BCL11B: variants seen among roughly 807,000 people sequenced by gnomAD.
The protein encoded by BCL11B is B-cell lymphoma/leukemia 11B.
In BCL11B, 8 loss-of-function variants were observed where a neutral mutation model predicts 49.9. The ratio of observed to expected loss-of-function variants is 0.16; its 90% CI spans 0.09 to 0.29. BCL11B has a LOEUF of 0.29. Among genes scored for constraint, BCL11B ranks in the 10% least tolerant of loss-of-function variants. The probability of loss-of-function intolerance (pLI) is 1.00; values close to 1 mark genes in which losing one functional copy is unlikely to be tolerated. For missense variants in BCL11B, 1,006 were observed against 1,351.0 expected (o/e 0.74, Z 4.00); for synonymous variants, 739 against 637.4 (o/e 1.16, Z -2.40).
chr14:99,243,779 T>C (rs558037474), intron 2 of BCL11B, among the ~76,000 whole-genome samples: 1 of 152,120 alleles, frequency 6.6e-6, no homozygotes, highest in South Asian at 2.1e-4. Context: ...CTCAAAGCAA[T>C]AAAATTGAAG....
At chr14:99,224,855 C>T (rs909801647) in intron 3 of BCL11B, among the ~76,000 whole-genome samples, 3 of 152,232 alleles carry the variant, frequency 2.0e-5, no homozygotes, top group African/African-American at 7.2e-5. Context: ...GAGCTTCCCA[C>T]AATGCCTGCA....
chr14:99,175,597 G>A lies in BCL11B; in HGVS notation c.1239C>T (p.Pro413=), dbSNP rs931484413. Residue 413 remains proline, a synonymous_variant, in exon 4 of 4, where the codon CCC becomes CCT. Transcript: ENST00000357195. ...FLSTPPLPPM[P]PGGTPPPQPP... ...GCTGCGGGGGCGGCGTGCCGCCAGG[G>A]GGCATGGGCGGCAGCGGCGGCGTGC... The A allele has an allele frequency of 1.3e-6, 2 of 1,573,722 alleles. No individual in the cohort carries two copies. Among genetic ancestry groups the A allele is most frequent in the Admixed American group, 1.8e-5 (1 of 55,752 alleles).
chr14:99,223,645 A>G (rs1888076487), intron 3 of BCL11B, among the ~76,000 whole-genome samples: 1 of 152,266 alleles, frequency 6.6e-6, no homozygotes, highest in African/African-American at 2.4e-5. Context: ...CTTCTTCCAC[A>G]TAACATGCGG....
At chr14:99,217,393 C>CATACAG (rs1555380381) in intron 3 of BCL11B, among the ~76,000 whole-genome samples, 5 of 149,502 alleles carry the variant, frequency 3.3e-5, no homozygotes, top group African/African-American at 4.9e-5. Context: ...CAGACACACA[C>CATACAG]ACACACACAC....
At chr14:99,255,405 GAAAAAA>G (rs67440207) in intron 2 of BCL11B, among the ~76,000 whole-genome samples, 1,177 of 65,150 alleles carry the variant, frequency 0.018, 18 homozygotes, top group African/African-American at 0.069. Flanking sequence ...TCACAACCTG[GAAAAAA>G]AAAAAAAAAA....
chr14:99,263,068 T>G (rs1047783063), intron 1 of BCL11B: 10 of 152,098 alleles, frequency 6.6e-5, no homozygotes, highest in African/African-American at 2.4e-4. Flanking sequence ...GAAGGGTTAT[T>G]AGGACACAAG....
chr14:99,182,828 G>C (rs1241199846), intron 3 of BCL11B, among the ~76,000 whole-genome samples: 1 of 152,222 alleles, frequency 6.6e-6, no homozygotes, highest in Non-Finnish European at 1.5e-5. Context: ...GGCAGTCATT[G>C]CCAAATAAAG....
At chr14:99,183,503 C>T (rs929259615) in intron 3 of BCL11B, among the ~76,000 whole-genome samples, 4 of 151,998 alleles carry the variant, frequency 2.6e-5, no homozygotes, top group African/African-American at 4.8e-5. Flanking sequence ...CCTGCCAGCA[C>T]GAGCCATGTT....
intron 1 of BCL11B, among the ~76,000 whole-genome samples, chr14:99,268,046 C>G (rs1889537418): frequency 6.6e-6 from 1 of 152,098 alleles, no homozygotes; most frequent in Non-Finnish European, 1.5e-5. Context: ...CCCCTCGGCA[C>G]GATTGCCACT....
chr14:99,237,859 G>A (rs1888549728), intron 2 of BCL11B, among the ~76,000 whole-genome samples: 1 of 149,502 alleles, frequency 6.7e-6, no homozygotes, highest in African/African-American at 2.4e-5. Context: ...AGGTGAAAGA[G>A]CCTGTCCAGC....
At position 99,170,033 on chromosome 14, in the gene BCL11B, T is replaced by C. The variant is rs1388116415; in HGVS notation, c.*4118A>G. ...ACAAAACAGAAGCAAAATTCTCTCT[T>C]CTCTGCAGTCACAGAGACACACAAT... On this transcript the variant is annotated 3_prime_UTR_variant, in exon 4 of 4. Transcript: ENST00000357195. The C allele has an allele frequency of 4.4e-6, 1 of 227,668 alleles. No individual in the cohort carries two copies. The allele number at this position is 227,668 out of a possible 1,614,324, so 14.1% of individuals were successfully genotyped here.
intron 3 of BCL11B, among the ~76,000 whole-genome samples, chr14:99,188,813 C>T (rs1489204718): frequency 6.6e-6 from 1 of 152,248 alleles, no homozygotes; most frequent in African/African-American, 2.4e-5. Context: ...CGCTGCGGCT[C>T]CCGCGGCTGG....
chr14:99,237,789 G>C (rs1888547717), intron 2 of BCL11B, among the ~76,000 whole-genome samples: 1 of 152,116 alleles, frequency 6.6e-6, no homozygotes, highest in Admixed American at 6.5e-5. Flanking sequence ...CTCTATGTGG[G>C]CGGCTAGCTG....
At chr14:99,260,749 G>A (rs12888948) in intron 1 of BCL11B, among the ~76,000 whole-genome samples, 36,172 of 151,662 alleles carry the variant, frequency 0.24, 5,745 homozygotes, top group Non-Finnish European at 0.36. Context: ...GCGAGCCCCC[G>A]TAATTGAGTT....
Position 99,226,343 on chromosome 14 carries a change from A to G in BCL11B, c.640+5002T>C, listed in dbSNP as rs947880286. ...GGAGCTCTGCTGTCCACACACGCTCACTCACACGGTTCTTTTTTTGTCTTC... is the reference window on the plus strand; with the variant it reads ...GGAGCTCTGCTGTCCACACACGCTCGCTCACACGGTTCTTTTTTTGTCTTC... On this transcript the variant is annotated intron_variant, in intron 3 of 3. Coordinates refer to ENST00000357195, the MANE Select transcript of BCL11B (RefSeq NM_138576.4). 2.0e-5 allele frequency among the ~76,000 whole-genome samples: 3 copies of G among 151,906 alleles called. No homozygotes were observed. The South Asian group carries it at 6.2e-4, about 32-fold the overall frequency.
chr14:99,194,769 C>A lies in BCL11B; in HGVS notation c.641-18574G>T, dbSNP rs985496683. 3.9e-5 allele frequency among the ~76,000 whole-genome samples: 6 copies of A among 152,152 alleles called. No homozygotes were observed. The highest frequency in any genetic ancestry group is 5.9e-5 in the Non-Finnish European group (4 of 68,016). On this transcript the variant is annotated intron_variant, in intron 3 of 3. Transcript: ENST00000357195. This position sits in a 1 kb window ranked among gnomAD's most constrained non-coding sequence, Gnocchi z 4.6. ...TGACTTGGCTCAAAAGCAGTCTCAA[C>A]CGTGGAGCAGACGGCCTTCGATAAT...
At position 99,250,033 on chromosome 14, in the gene BCL11B, C is replaced by CTT. The variant is rs35826122; in HGVS notation, c.427+7436_427+7437dup. On this transcript the variant is annotated intron_variant, in intron 2 of 3. Transcript: ENST00000357195. ...ACTCAGGAGGCTGAGACAGGAGAAT[C>CTT]TTTTTTTTTTTTTTTTTTTTGAGAT... Among the ~76,000 whole-genome samples, 107 of 106,254 alleles carry CTT rather than the reference C, an allele frequency of 1.0e-3. 1 individual carries two copies. The highest frequency in any genetic ancestry group is 3.3e-3 in the African/African-American group (92 of 28,242). 69.7% of individuals were successfully genotyped at this position (106,254 alleles called of 152,430 possible). A position where few individuals can be genotyped will look rare whatever the true frequency, so the allele number is the denominator to read the frequency against.
At chr14:99,176,823 G>A (rs1011903534) in intron 3 of BCL11B, among the ~76,000 whole-genome samples, 6 of 152,156 alleles carry the variant, frequency 3.9e-5, no homozygotes, top group Non-Finnish European at 5.9e-5. Flanking sequence ...AGGGAGGGGG[G>A]CAAGATCACC....
chr14:99,237,038 T>C (rs1888519796), intron 2 of BCL11B, among the ~76,000 whole-genome samples: 2 of 150,572 alleles, frequency 1.3e-5, no homozygotes, highest in African/African-American at 4.9e-5. Context: ...ATCATTTGTC[T>C]TTCTCTCAAT....
Sources: allele counts gnomAD v4.1 joint callset (sites outside exome capture counted in the v4.1 genomes callset), GRCh38; gene constraint gnomAD v4.1.1; non-coding constraint Gnocchi (gnomAD v3.1); transcripts MANE v1.5; gene names NCBI Gene and HGNC (gene_info 2026-07-23, HGNC 2026-07-21).